ANKS1B: variants seen among roughly 807,000 people sequenced by gnomAD.
ANKS1B encodes the protein ankyrin repeat and sterile alpha motif domain-containing protein 1B.
A neutral mutation model predicts 148.3 loss-of-function variants in ANKS1B; 36 were observed. The ratio of observed to expected loss-of-function variants is 0.24; its 90% CI spans 0.19 to 0.32. The LOEUF (loss-of-function observed/expected upper bound fraction) is 0.32, where lower values mean the gene tolerates loss of function less well. ANKS1B is among the 10% of genes least tolerant of loss of function. ANKS1B has a pLI of 1.00. For synonymous variants in ANKS1B, 542 were observed against 560.8 expected, an observed-to-expected ratio of 0.97 and a Z score of 0.47; for missense variants, 1,157 against 1,542.6, an observed-to-expected ratio of 0.75 and a Z score of 4.19.
rs191261538 is a variant in ANKS1B, at chr12:99,305,573, T to C, written c.1757-58709A>G. ...AACTCAATATTTCTAGAAAGGAATA[T>C]AAAGATTCTTACTCTCAGAATCCCT... On this transcript the variant is annotated intron_variant, in intron 12 of 26. Coordinates refer to ENST00000683438, the MANE Select transcript of ANKS1B (RefSeq NM_001352186.2). 1.5e-3 allele frequency among the ~76,000 whole-genome samples: 234 copies of C among 152,212 alleles called. 3 individuals are homozygous for C. The highest frequency in any genetic ancestry group is 5.2e-3 in the African/African-American group (215 of 41,562).
At chr12:98,953,557 T>C (rs986926628) in intron 17 of ANKS1B, among the ~76,000 whole-genome samples, 4 of 142,070 alleles carry the variant, frequency 2.8e-5, no homozygotes, top group Non-Finnish European at 6.1e-5. Flanking sequence ...TTTTTTTTTT[T>C]TTTTTTTTTG....
intron 17 of ANKS1B, among the ~76,000 whole-genome samples, chr12:98,901,523 A>C (rs1451326409): frequency 1.3e-5 from 2 of 152,242 alleles, no homozygotes; most frequent in Non-Finnish European, 2.9e-5. Context: ...TTTCAGAACT[A>C]AGTTACTGTA....
chr12:99,669,986 A>C (rs1015728022), intron 8 of ANKS1B, among the ~76,000 whole-genome samples: 20 of 152,112 alleles, frequency 1.3e-4, no homozygotes, highest in African/African-American at 3.4e-4. Context: ...TCCAGGTCTG[A>C]TCATGAATGT....
In ANKS1B at chr12:99,335,297, C is replaced by T. The variant is rs556446704; in HGVS notation, c.1756+64334G>A. The stretch of plus-strand genomic sequence containing the variant: ...ACAGGCATATAATGTGTAATAATCA[C>T]ATCACAGTAAATGAGGTATCCCTAA... On this transcript the variant is annotated intron_variant, in intron 12 of 26. Coordinates refer to ENST00000683438, the MANE Select transcript of ANKS1B (RefSeq NM_001352186.2). 3.9e-5 allele frequency among the ~76,000 whole-genome samples: 6 copies of T among 151,958 alleles called. No homozygotes were observed. The South Asian group carries it at 1.2e-3, about 32-fold the overall frequency.
intron 15 of ANKS1B, among the ~76,000 whole-genome samples, chr12:99,128,916 T>G (rs1052257689): frequency 2.0e-5 from 3 of 152,188 alleles, no homozygotes; most frequent in African/African-American, 4.8e-5. Context: ...ATAGAGCCAC[T>G]CTTTGACTGG....
Position 99,148,837 on chromosome 12 carries a change from A to G in ANKS1B, c.2526+5452T>C, listed in dbSNP as rs186426983. Among the ~76,000 whole-genome samples, 752 of 152,262 alleles carry G rather than the reference A, an allele frequency of 4.9e-3. 3 individuals carry two copies. The highest frequency in any genetic ancestry group is 0.017 in the African/African-American group (712 of 41,560). On this transcript the variant is annotated intron_variant, in intron 15 of 26. Coordinates refer to ENST00000683438, the MANE Select transcript of ANKS1B (RefSeq NM_001352186.2). ...AGATATTTAAATGCCGGCAGTTGAA[A>G]AGGTTATTTTTTTTTCTTTCAAAAG... is the stretch of plus-strand genomic sequence containing the variant.
Position 98,871,754 on chromosome 12 carries a change from C to T in ANKS1B, c.2779-39618G>A, listed in dbSNP as rs2099670615. On this transcript the variant is annotated intron_variant, in intron 17 of 26. Coordinates refer to ENST00000683438, the MANE Select transcript of ANKS1B (RefSeq NM_001352186.2). Reference sequence around the variant, plus strand: ...CATCTAGATAATGTAGATTGATGATCCATCTAAATCAAGAATTTATCTTCT... The same window carrying T: ...CATCTAGATAATGTAGATTGATGATTCATCTAAATCAAGAATTTATCTTCT... 2.0e-5 allele frequency among the ~76,000 whole-genome samples: 3 copies of T among 151,810 alleles called. No individual in the cohort carries two copies. In the South Asian group the frequency reaches 6.2e-4, roughly 32 times the overall value.
intron 10 of ANKS1B, among the ~76,000 whole-genome samples, chr12:99,475,858 A>G (rs2096311171): frequency 6.6e-6 from 1 of 152,212 alleles, no homozygotes; most frequent in African/African-American, 2.4e-5. Flanking sequence ...GTGAGTAGGA[A>G]AAGGAAAGCT....
At chr12:99,894,293 G>A (rs776131956) in intron 1 of ANKS1B, among the ~76,000 whole-genome samples, 405 of 34,522 alleles carry the variant, frequency 0.012, 1 homozygote, top group Non-Finnish European at 0.018. Flanking sequence ...GGAAGGAAGG[G>A]AGGGAGGGAG....
intron 10 of ANKS1B, among the ~76,000 whole-genome samples, chr12:99,454,964 A>G (rs1029466654): frequency 4.6e-5 from 7 of 152,170 alleles, no homozygotes; most frequent in African/African-American, 1.4e-4. Flanking sequence ...AAGAAAGAAA[A>G]TATTTTGCAT....
At chr12:99,383,515 A>G (rs932490152) in intron 12 of ANKS1B, among the ~76,000 whole-genome samples, 6 of 152,116 alleles carry the variant, frequency 3.9e-5, no homozygotes, top group African/African-American at 1.4e-4. Context: ...TCTCACTTAT[A>G]TCTTTGCCAA....
chr12:99,966,716 A>C (rs2095489100), intron 1 of ANKS1B, among the ~76,000 whole-genome samples: 1 of 152,222 alleles, frequency 6.6e-6, no homozygotes, highest in African/African-American at 2.4e-5. Context: ...AGATATTTCC[A>C]TACCATAAAA....
intron 17 of ANKS1B, among the ~76,000 whole-genome samples, chr12:98,925,934 T>C (rs1274470119): frequency 6.6e-6 from 1 of 152,070 alleles, no homozygotes; most frequent in Non-Finnish European, 1.5e-5. Flanking sequence ...GTGACACTAA[T>C]TGAAACTAAA....
intron 17 of ANKS1B, among the ~76,000 whole-genome samples, chr12:98,868,838 G>A (rs1335227871): frequency 2.0e-5 from 3 of 152,212 alleles, no homozygotes; most frequent in African/African-American, 7.2e-5. Flanking sequence ...TAGGGTGGGG[G>A]ACTTTGTGCC....
At chr12:99,511,171 G>T (rs2096762160) in intron 9 of ANKS1B, among the ~76,000 whole-genome samples, 2 of 151,900 alleles carry the variant, frequency 1.3e-5, no homozygotes, top group Admixed American at 1.3e-4. Context: ...GTCATATATG[G>T]CTGTTATTAT....
At chr12:98,975,157 C>T (rs1206158307) in intron 17 of ANKS1B, among the ~76,000 whole-genome samples, 1 of 146,026 alleles carries the variant, frequency 6.8e-6, no homozygotes, top group Non-Finnish European at 1.5e-5. Flanking sequence ...TCCCTCTCTT[C>T]CTTCCCTCCC....
chr12:98,946,468 G>A (rs1397265499), intron 17 of ANKS1B, among the ~76,000 whole-genome samples: 1 of 152,114 alleles, frequency 6.6e-6, no homozygotes, highest in Non-Finnish European at 1.5e-5. Context: ...TAAGCAATGT[G>A]GATTAAAAGA....
chr12:99,046,318 G>A (rs1429639544), intron 17 of ANKS1B, among the ~76,000 whole-genome samples: 1 of 151,940 alleles, frequency 6.6e-6, no homozygotes, highest in African/African-American at 2.4e-5. Context: ...ATAATGTCTG[G>A]CGTGTAATAA....
At chr12:99,032,347 T>C (rs2099952770) in intron 17 of ANKS1B, among the ~76,000 whole-genome samples, 1 of 152,208 alleles carries the variant, frequency 6.6e-6, no homozygotes, top group Admixed American at 6.5e-5. Flanking sequence ...GGGGCCAGAA[T>C]TCTGAAATCA....
Sources: allele counts gnomAD v4.1 joint callset (sites outside exome capture counted in the v4.1 genomes callset), GRCh38; gene constraint gnomAD v4.1.1; transcripts MANE v1.5; gene names NCBI Gene and HGNC (gene_info 2026-07-23, HGNC 2026-07-21).